The following TRIM2 variants were observed in gnomAD, a reference collection of about 807,000 sequenced individuals.
TRIM2 encodes the protein tripartite motif containing 2.
In TRIM2, 20 loss-of-function variants were observed where a neutral mutation model predicts 75.2. The ratio of observed to expected loss-of-function variants is 0.27; its 90% CI spans 0.19 to 0.39. TRIM2 has a LOEUF of 0.39. TRIM2 is among the 10% of genes least tolerant of loss of function. The pLI is 1.00. For missense variants in TRIM2, 660 were observed against 990.8 expected, an observed-to-expected ratio of 0.67 and a Z score of 4.48; for synonymous variants, 373 against 388.3, an observed-to-expected ratio of 0.96 and a Z score of 0.46.
upstream of TRIM2, among the ~76,000 whole-genome samples, chr4:153,199,930 T>C (rs1734154106): frequency 7.0e-6 from 1 of 143,636 alleles, no homozygotes; most frequent in South Asian, 2.2e-4. Context: ...GGCACCACCA[T>C]GGCCAGCTAA....
chr4:153,253,165 T>A (rs1186547262), intron 1 of TRIM2, among the ~76,000 whole-genome samples: 1 of 152,150 alleles, frequency 6.6e-6, no homozygotes, highest in Non-Finnish European at 1.5e-5. Flanking sequence ...TGCTGAGTTC[T>A]AAAGGAGCGC....
At chr4:153,227,197 G>T (rs191989930) in intron 1 of TRIM2, among the ~76,000 whole-genome samples, 11 of 152,282 alleles carry the variant, frequency 7.2e-5, no homozygotes, top group African/African-American at 2.6e-4. Context: ...GGCAGTGAAA[G>T]GTGTGTTGGT....
intron 1 of TRIM2, among the ~76,000 whole-genome samples, chr4:153,241,640 C>A (rs1333274525): frequency 1.3e-5 from 2 of 152,178 alleles, no homozygotes; most frequent in African/African-American, 4.8e-5. Context: ...GGAGCAACAG[C>A]AGGGCTAGGA....
intron 1 of TRIM2, among the ~76,000 whole-genome samples, chr4:153,260,700 C>CCCA (rs1560902966): frequency 1.0e-4 from 7 of 67,880 alleles, no homozygotes; most frequent in African/African-American, 2.1e-4. Flanking sequence ...ACCCCCCCCC[C>CCCA]CACACACACA....
In TRIM2 at chr4:153,265,468, G is replaced by A. The variant is rs185766232; in HGVS notation, c.31-4867G>A. ...ACACCATTCTCCTGCCTCAGCCACC[G>A]GAGTAGCTGGGGCTACAGGCGCCTG... On this transcript the variant is annotated intron_variant, in intron 1 of 11. Transcript: ENST00000338700. 2.9e-3 allele frequency among the ~76,000 whole-genome samples: 437 copies of A among 151,678 alleles called. 3 individuals carry two copies. Among genetic ancestry groups the A allele is most frequent in the African/African-American group, 9.7e-3 (403 of 41,350 alleles).
At chr4:153,236,117 A>G (rs938256966) in intron 1 of TRIM2, among the ~76,000 whole-genome samples, 1 of 151,772 alleles carries the variant, frequency 6.6e-6, no homozygotes, top group East Asian at 1.9e-4. Context: ...CCCTCCTGCC[A>G]CCCTGTGAAG....
intron 1 of TRIM2, among the ~76,000 whole-genome samples, chr4:153,192,165 T>C (rs1733262483): frequency 6.6e-6 from 1 of 152,224 alleles, no homozygotes; most frequent in South Asian, 2.1e-4. Context: ...CCACAGTGAT[T>C]GTTTAAGCAC....
At chr4:153,188,733 G>T (rs1312235807) in intron 1 of TRIM2, among the ~76,000 whole-genome samples, 1 of 151,198 alleles carries the variant, frequency 6.6e-6, no homozygotes, top group African/African-American at 2.4e-5. Flanking sequence ...GTTTGAGACC[G>T]GCCTTTCCCT....
intron 1 of TRIM2, among the ~76,000 whole-genome samples, chr4:153,236,241 A>C (rs1452111238): frequency 3.9e-5 from 6 of 151,990 alleles, no homozygotes; most frequent in Admixed American, 3.9e-4. Context: ...GTATTTCTTC[A>C]TAGCAGCATG....
chr4:153,225,888 T>A (rs925732043), intron 1 of TRIM2, among the ~76,000 whole-genome samples: 15 of 152,374 alleles, frequency 9.8e-5, no homozygotes, highest in South Asian at 2.1e-4. Context: ...TTTACTTTTT[T>A]AATTTTTTTA....
chr4:153,294,234 T>C lies in TRIM2; in HGVS notation c.606-71T>C, dbSNP rs1762364929. 6 of 1,494,590 alleles carry C rather than the reference T, an allele frequency of 4.0e-6. No homozygotes were observed. The East Asian group carries it at 9.2e-5, about 23-fold the overall frequency. The allele number at this position is 1,494,590 out of a possible 1,614,324, so 92.6% of individuals were successfully genotyped here. A position where few individuals can be genotyped will look rare whatever the true frequency, so the allele number is the denominator to read the frequency against. On this transcript the variant is annotated intron_variant, in intron 4 of 11. Coordinates refer to ENST00000338700, the MANE Select transcript of TRIM2 (RefSeq NM_015271.5). ...GCATAGAATTTTTTTAAACAAAATGTAGTGTTTAGATAGATTTTGGAATAT... is the reference window on the plus strand; with the variant it reads ...GCATAGAATTTTTTTAAACAAAATGCAGTGTTTAGATAGATTTTGGAATAT...
At chr4:153,291,012 C>T (rs1286348662) in intron 3 of TRIM2, among the ~76,000 whole-genome samples, 1 of 150,118 alleles carries the variant, frequency 6.7e-6, no homozygotes, top group East Asian at 1.9e-4. Flanking sequence ...TGCAGAGGAG[C>T]AAAGTACATG....
intron 1 of TRIM2, among the ~76,000 whole-genome samples, chr4:153,172,849 A>G (rs10023596): frequency 0.48 from 72,152 of 151,846 alleles, 17,343 homozygotes; most frequent in African/African-American, 0.54. Flanking sequence ...AAGGAACAAG[A>G]GCTCAAGACA....
chr4:153,297,856 TG>T (rs1763066142), intron 6 of TRIM2, among the ~76,000 whole-genome samples: 1 of 152,218 alleles, frequency 6.6e-6, no homozygotes, highest in Non-Finnish European at 1.5e-5. Flanking sequence ...AGGTTGCTGT[TG>T]GGGGTGAAAT....
At position 153,193,788 on chromosome 4, in the gene TRIM2, C is replaced by T. The variant is rs114758697; in HGVS notation, c.-49+40518C>T. ...AAAATTGGACAGATTTGGGCTGGGG[C>T]GAGCCACGGAGAGCTTTCTGGGCAA... On this transcript the variant is annotated intron_variant, in intron 1 of 11. Transcript: ENST00000437508. Among the ~76,000 whole-genome samples the T allele has an allele frequency of 6.4e-3, 979 of 152,054 alleles. 11 individuals carry two copies. The highest frequency in any genetic ancestry group is 0.021 in the African/African-American group (880 of 41,482).
intron 1 of TRIM2, among the ~76,000 whole-genome samples, chr4:153,189,272 C>T (rs1452043605): frequency 6.6e-6 from 1 of 152,218 alleles, no homozygotes; most frequent in Non-Finnish European, 1.5e-5. Flanking sequence ...AGCAGGAAAT[C>T]TAATCCAAAA....
chr4:153,300,780 C>T (rs1050367176), intron 6 of TRIM2, among the ~76,000 whole-genome samples: 1 of 152,030 alleles, frequency 6.6e-6, no homozygotes, highest in African/African-American at 2.4e-5. Flanking sequence ...ACCTCAGCCT[C>T]CCAAAGTGCT....
At position 153,257,699 on chromosome 4, in the gene TRIM2, T is replaced by C. The variant is rs1015268444; in HGVS notation, c.31-12636T>C. 55 of 844,412 alleles carry C rather than the reference T, an allele frequency of 6.5e-5. No homozygotes were observed. In the African/African-American group the frequency reaches 8.9e-4, roughly 14 times the overall value. 52.3% of individuals were successfully genotyped at this position (844,412 alleles called of 1,614,324 possible). The stretch of plus-strand genomic sequence containing the variant: ...TTGTTCTTTTGGATTGCCGCGTAGC[T>C]GCAGCGACAGACTTGGGAGGATTTA... On this transcript the variant is annotated intron_variant, in intron 1 of 11. Coordinates refer to ENST00000338700, the MANE Select transcript of TRIM2 (RefSeq NM_015271.5).
intron 6 of TRIM2, among the ~76,000 whole-genome samples, chr4:153,301,083 C>T (rs1012000858): frequency 3.5e-4 from 53 of 151,546 alleles, no homozygotes; most frequent in African/African-American, 1.3e-3. Context: ...CCCAGCTACT[C>T]GGGAGGCTGA....
Sources: gnomAD v4.1 joint callset for allele counts (sites outside exome capture counted in the v4.1 genomes callset) on GRCh38, gnomAD v4.1.1 for gene constraint, MANE v1.5 for transcripts, NCBI Gene and HGNC (gene_info 2026-07-23, HGNC 2026-07-21) for gene names.